Variants in ARMC8 observed in about 807,000 individuals in gnomAD.
The protein encoded by ARMC8 is armadillo repeat-containing protein 8.
Under a neutral mutation model 99.3 loss-of-function variants are expected in ARMC8, and 20 were observed. That is an observed-to-expected ratio of 0.20 (90% confidence interval 0.14 to 0.29). The LOEUF (loss-of-function observed/expected upper bound fraction) is 0.29. Ranked by LOEUF, ARMC8 falls within the 10% of genes least tolerant of loss-of-function variation. The pLI, the probability that ARMC8 is intolerant of heterozygous loss-of-function variation, is 1.00. For synonymous variants in ARMC8, 263 were observed against 278.3 expected (o/e 0.95, Z 0.55); for missense variants, 569 against 809.5 (o/e 0.70, Z 3.60).
At chr3:138,284,663 TC>T (rs1159918883) in intron 19 of ARMC8, 137 bp downstream of exon 19, 10 of 650,112 alleles carry the variant, frequency 1.5e-5, no homozygotes, top group Admixed American at 2.8e-5. Context: ...CAAAGAACTC[TC>T]TTCCATCCTG....
At chr3:138,275,990 T>C (rs2049255254) in intron 18 of ARMC8, among the ~76,000 whole-genome samples, 1 of 152,176 alleles carries the variant, frequency 6.6e-6, no homozygotes, top group Admixed American at 6.5e-5. Flanking sequence ...CATTGTACTT[T>C]GAGAGGATAG....
chr3:138,246,784 A>T, intron 12 of ARMC8: 1 of 984,368 alleles, frequency 1.0e-6, no homozygotes, highest in Non-Finnish European at 1.2e-6. Flanking sequence ...TCAGTAGTCT[A>T]TTAAAACTTG....
rs1249903651 is a variant in ARMC8 at position 138,296,600 on chromosome 3, T to A, written c.*708T>A. 1 of 152,172 alleles carries A rather than the reference T, an allele frequency of 6.6e-6. No homozygotes were observed. Among genetic ancestry groups the A allele is most frequent in the African/African-American group, 2.4e-5 (1 of 41,434 alleles). 9.4% of individuals were successfully genotyped at this position (152,172 alleles called of 1,614,324 possible). ...TAGTTGGCCTGATTAACAGGCACTA[T>A]ACATGGTGCTGTGCAAAATAGTAAG... On this transcript the variant is annotated 3_prime_UTR_variant, in exon 22 of 22. Transcript: ENST00000469044.
chr3:138,228,509 G>A (rs773234777), intron 5 of ARMC8, among the ~76,000 whole-genome samples: 2 of 152,008 alleles, frequency 1.3e-5, no homozygotes, highest in Non-Finnish European at 2.9e-5. Context: ...TTAACATCTC[G>A]GAGATCAAAA....
At position 138,249,359 on chromosome 3, in the gene ARMC8, A is replaced by G. The variant is rs188629244; in HGVS notation, c.1134+4176A>G. Among the ~76,000 whole-genome samples, 10 of 152,022 alleles carry G rather than the reference A, an allele frequency of 6.6e-5. No homozygotes were observed. In the East Asian group the frequency reaches 1.4e-3, roughly 21 times the overall value. ...GGAAATTCCCATTTTTTCAAGAGGCAGGCAATCCTGAGGGCTTGTCTTCTG... is the reference window on the plus strand; with the variant it reads ...GGAAATTCCCATTTTTTCAAGAGGCGGGCAATCCTGAGGGCTTGTCTTCTG... On this transcript the variant is annotated intron_variant, in intron 12 of 21. Coordinates refer to ENST00000469044, the MANE Select transcript of ARMC8 (RefSeq NM_001363941.2).
intron 12 of ARMC8, chr3:138,246,240 C>T: frequency 1.0e-6 from 1 of 985,524 alleles, no homozygotes; most frequent in Non-Finnish European, 1.2e-6. Flanking sequence ...AAAATCAATG[C>T]AAAAAGCACA....
chr3:138,293,637 G>A (rs976183686), intron 21 of ARMC8, among the ~76,000 whole-genome samples: 7 of 152,200 alleles, frequency 4.6e-5, no homozygotes, highest in Non-Finnish European at 8.8e-5. Context: ...ACATGCTGAA[G>A]GCTGGATCTG....
intron 6 of ARMC8, 22 bp downstream of exon 6, chr3:138,229,032 A>C: frequency 6.4e-7 from 1 of 1,553,982 alleles, no homozygotes; most frequent in Non-Finnish European, 8.8e-7. Context: ...AATAAATGTT[A>C]TCTATAATGT....
intron 12 of ARMC8, chr3:138,261,338 A>G (rs2047722213): frequency 6.6e-6 from 1 of 152,224 alleles, no homozygotes; most frequent in African/African-American, 2.4e-5. Context: ...TGGCTGGGAG[A>G]ATGTTAAAAT....
chr3:138,196,024 C>T (rs1230038565), intron 1 of ARMC8, among the ~76,000 whole-genome samples: 3 of 152,098 alleles, frequency 2.0e-5, no homozygotes, highest in Non-Finnish European at 4.4e-5. Flanking sequence ...GGGGAGTTTT[C>T]AACCTATAAG....
At chr3:138,267,849 G>C (rs1213022905) in intron 15 of ARMC8, among the ~76,000 whole-genome samples, 1 of 152,078 alleles carries the variant, frequency 6.6e-6, no homozygotes, top group African/African-American at 2.4e-5. Flanking sequence ...TATGAACTCA[G>C]GTTTATTGTG....
chr3:138,198,144 C>T (rs1034066752), intron 1 of ARMC8, among the ~76,000 whole-genome samples: 1 of 151,944 alleles, frequency 6.6e-6, no homozygotes, highest in Non-Finnish European at 1.5e-5. Context: ...TGAGACCAGC[C>T]TACACAGCAT....
At chr3:138,255,201 T>G (rs148607766) in intron 12 of ARMC8, among the ~76,000 whole-genome samples, 1,478 of 142,406 alleles carry the variant, frequency 0.01, 17 homozygotes, top group Middle Eastern at 0.028. Context: ...GTTTTTTTTT[T>G]TTTTGTTTTT....
chr3:138,226,490 A>G (rs2045703573), intron 5 of ARMC8, among the ~76,000 whole-genome samples: 1 of 152,136 alleles, frequency 6.6e-6, no homozygotes, highest in Non-Finnish European at 1.5e-5. Flanking sequence ...TTGCATTTCT[A>G]ACAAATTTGC....
chr3:138,219,875 C>G (rs924400282), intron 2 of ARMC8, among the ~76,000 whole-genome samples: 1 of 152,076 alleles, frequency 6.6e-6, no homozygotes, highest in Admixed American at 6.5e-5. Context: ...TTTGTTTGCT[C>G]TTGTCTGTAA....
rs181507407 is a variant in ARMC8, at chr3:138,223,979, G to A, written c.435+246G>A. On this transcript the variant is annotated intron_variant, in intron 5 of 21. Transcript: ENST00000469044. ...TCTCTTTTTTTTTTTTTTTTTTTGAGGTGGAGTCTTGCTCTGTCACCCAGG... is the reference window on the plus strand; with the variant it reads ...TCTCTTTTTTTTTTTTTTTTTTTGAAGTGGAGTCTTGCTCTGTCACCCAGG... Among the ~76,000 whole-genome samples, 9 of 137,602 alleles carry A rather than the reference G, an allele frequency of 6.5e-5. No individual in the cohort carries two copies. In the East Asian group the frequency reaches 1.9e-3, roughly 29 times the overall value. The allele number at this position is 137,602 out of a possible 152,430, so 90.3% of individuals were successfully genotyped here.
At chr3:138,223,340 C>T in intron 3 of ARMC8, 49 bp from the exon 4 acceptor site, 1 of 1,589,500 alleles carries the variant, frequency 6.3e-7, no homozygotes, top group Non-Finnish European at 8.6e-7. Context: ...CACATTGAGT[C>T]TTGTTTAAAT....
At chr3:138,247,929 T>C (rs571135320) in intron 12 of ARMC8, among the ~76,000 whole-genome samples, 4 of 152,348 alleles carry the variant, frequency 2.6e-5, no homozygotes, top group African/African-American at 9.6e-5. Context: ...TGAATAAATA[T>C]AGAAATGAAA....
chr3:138,205,382 A>C (rs2044316713), intron 1 of ARMC8, among the ~76,000 whole-genome samples: 4 of 151,994 alleles, frequency 2.6e-5, no homozygotes, highest in African/African-American at 9.7e-5. Flanking sequence ...CAGGGAAGTA[A>C]GTGTTACCCT....
Sources: gnomAD v4.1 joint callset for allele counts (sites outside exome capture counted in the v4.1 genomes callset) on GRCh38, gnomAD v4.1.1 for gene constraint, MANE v1.5 for transcripts, NCBI Gene and HGNC (gene_info 2026-07-23, HGNC 2026-07-21) for gene names.